Variants in NPAS3 observed in about 807,000 individuals in gnomAD.
NPAS3 encodes neuronal PAS domain protein 3.
NPAS3 carries 14 observed loss-of-function variants against 73.1 expected under a neutral mutation model. The observed-to-expected ratio is 0.19, with a 90% confidence interval of 0.13 to 0.30. The LOEUF (loss-of-function observed/expected upper bound fraction) is 0.30. NPAS3 is among the 10% of genes least tolerant of loss of function. The pLI is 1.00. For synonymous variants in NPAS3, 620 were observed against 541.5 expected (o/e 1.14, Z -2.01); for missense variants, 1,096 against 1,250.0 (o/e 0.88, Z 1.86).
chr14:33,071,607 A>G (rs916476435), intron 2 of NPAS3, among the ~76,000 whole-genome samples: 1 of 152,220 alleles, frequency 6.6e-6, no homozygotes, highest in Non-Finnish European at 1.5e-5. Context: ...TAAGCATTTT[A>G]TGGCACTTTA....
At chr14:33,617,954 T>C (rs143620163) in intron 5 of NPAS3, among the ~76,000 whole-genome samples, 1 of 152,222 alleles carries the variant, frequency 6.6e-6, no homozygotes, top group African/African-American at 2.4e-5. Flanking sequence ...AGTAACTGCG[T>C]AGGAACTCAG....
intron 5 of NPAS3, among the ~76,000 whole-genome samples, chr14:33,566,239 T>C (rs965062482): frequency 2.7e-5 from 4 of 150,030 alleles, no homozygotes; most frequent in East Asian, 2.0e-4. Context: ...CCCCCGAAAA[T>C]GACTGCATGA....
rs5807726 is a variant in NPAS3 at position 33,399,659 on chromosome 14, G to GTT, written c.468+32402_468+32403dup. Among the ~76,000 whole-genome samples the GTT allele has an allele frequency of 7.0e-3, 1,018 of 146,400 alleles. 10 individuals are homozygous for GTT. The highest frequency in any genetic ancestry group is 0.023 in the African/African-American group (947 of 40,322). ...CTTGATTAGTTGTAGATGAAGCTGG[G>GTT]TTTTTTTTTTTTCTTTATGCCACAG... On this transcript the variant is annotated intron_variant, in intron 4 of 11. Transcript: ENST00000356141.
rs1205386700 is a variant in NPAS3, at chr14:32,953,132, AAAG to A, written c.50+13769_50+13771del. 2.0e-5 allele frequency among the ~76,000 whole-genome samples: 3 copies of A among 150,028 alleles called. No homozygotes were observed. In the East Asian group the frequency reaches 5.8e-4, roughly 29 times the overall value. ...AAAACCCCAAACAACAACCAAAAAA[AAAG>A]AAAAAAAAAAAAACAGAGTTGGAAA... On this transcript the variant is annotated intron_variant, in intron 1 of 11. Transcript: ENST00000356141.
At chr14:33,303,614 T>A (rs1361220485) in intron 3 of NPAS3, among the ~76,000 whole-genome samples, 1 of 152,142 alleles carries the variant, frequency 6.6e-6, no homozygotes, top group African/African-American at 2.4e-5. Context: ...CAAGCATAGA[T>A]TGATAGATTC....
At chr14:33,727,768 C>T (rs1159897714) in intron 6 of NPAS3, among the ~76,000 whole-genome samples, 2 of 152,098 alleles carry the variant, frequency 1.3e-5, no homozygotes, top group Non-Finnish European at 2.9e-5. Context: ...ATCCCATATG[C>T]AATATTGGCA....
chr14:33,192,803 T>A (rs566763629), intron 2 of NPAS3, among the ~76,000 whole-genome samples: 1 of 152,346 alleles, frequency 6.6e-6, no homozygotes, highest in East Asian at 1.9e-4. Context: ...ACGTAGACAA[T>A]TCTATCACAA....
chr14:33,267,483 T>C (rs1594553731), intron 3 of NPAS3, among the ~76,000 whole-genome samples: 2 of 152,140 alleles, frequency 1.3e-5, no homozygotes, highest in Admixed American at 1.3e-4. Context: ...GGAGGAGCTG[T>C]GTTTGCATGA....
chr14:33,310,660 A>G (rs1330135272), intron 3 of NPAS3, among the ~76,000 whole-genome samples: 1 of 152,174 alleles, frequency 6.6e-6, no homozygotes, highest in East Asian at 1.9e-4. Flanking sequence ...AATGCCTCAC[A>G]TAGCAGGTAA....
chr14:33,393,591 T>C (rs558661858), intron 4 of NPAS3, among the ~76,000 whole-genome samples: 6 of 152,300 alleles, frequency 3.9e-5, no homozygotes, highest in African/African-American at 1.4e-4. Context: ...TAATTACTCA[T>C]GTAACAAACT....
chr14:33,069,138 T>C (rs2041390147), intron 2 of NPAS3, among the ~76,000 whole-genome samples: 1 of 152,164 alleles, frequency 6.6e-6, no homozygotes, highest in African/African-American at 2.4e-5. Context: ...AGGTGTGATT[T>C]GTACCAAGAC....
chr14:33,370,768 A>C (rs1210165105), intron 4 of NPAS3, among the ~76,000 whole-genome samples: 3 of 152,172 alleles, frequency 2.0e-5, no homozygotes, highest in Non-Finnish European at 4.4e-5. Context: ...AATCATTAGC[A>C]TGTGGCCCAT....
rs142287214 is a variant in NPAS3, at chr14:33,645,874, C to T, written c.559-30337C>T. ...CCATGAAGCACTACATGAGTGCATG[C>T]GTCTCACATGTTCCTTCAACAGACC... On this transcript the variant is annotated intron_variant, in intron 5 of 11. Transcript: ENST00000356141. Among the ~76,000 whole-genome samples the T allele has an allele frequency of 3.2e-3, 489 of 152,334 alleles. 2 individuals carry two copies. The highest frequency in any genetic ancestry group is 0.027 in the Middle Eastern group (8 of 294).
chr14:33,159,845 G>A (rs549465659), intron 2 of NPAS3, among the ~76,000 whole-genome samples: 3 of 152,242 alleles, frequency 2.0e-5, no homozygotes, highest in Non-Finnish European at 4.4e-5. Context: ...GAGCCACTGC[G>A]TCTGGCCTGT....
intron 8 of NPAS3, among the ~76,000 whole-genome samples, chr14:33,775,820 A>T (rs2062796657): frequency 6.6e-6 from 1 of 152,212 alleles, no homozygotes; most frequent in Admixed American, 6.5e-5. Context: ...GATTCGCTGG[A>T]GTTGGCAGTT....
At chr14:33,558,556 G>A (rs564171098) in intron 4 of NPAS3, among the ~76,000 whole-genome samples, 1 of 151,984 alleles carries the variant, frequency 6.6e-6, no homozygotes, top group Non-Finnish European at 1.5e-5. Flanking sequence ...CACTGTATCT[G>A]GCAGAAAATC....
chr14:33,561,742 G>C (rs2055661047), intron 5 of NPAS3, among the ~76,000 whole-genome samples: 1 of 152,098 alleles, frequency 6.6e-6, no homozygotes, highest in Admixed American at 6.5e-5. Context: ...TTTCATGCAG[G>C]GTATCCAGCA....
intron 5 of NPAS3, among the ~76,000 whole-genome samples, chr14:33,618,988 T>G (rs374939689): frequency 6.6e-6 from 1 of 152,312 alleles, no homozygotes; most frequent in Admixed American, 6.5e-5. Flanking sequence ...TCTGCTGGAT[T>G]TCTTGTTCTT....
intron 2 of NPAS3, among the ~76,000 whole-genome samples, chr14:33,062,762 G>C (rs767474890): frequency 1.3e-4 from 20 of 152,214 alleles, no homozygotes; most frequent in Non-Finnish European, 2.9e-5. Context: ...TCGCTAACAG[G>C]TGGTTTCAGA....
Sources: allele counts gnomAD v4.1 joint callset (sites outside exome capture counted in the v4.1 genomes callset), GRCh38; gene constraint gnomAD v4.1.1; transcripts MANE v1.5; gene names NCBI Gene and HGNC (gene_info 2026-07-23, HGNC 2026-07-21).